The following RNF180 variants were observed in gnomAD, a reference collection of about 807,000 sequenced individuals.
The protein encoded by RNF180 is ring finger protein 180.
In RNF180, 38 loss-of-function variants were observed where a neutral mutation model predicts 59.2. The ratio of observed to expected loss-of-function variants is 0.64; its 90% CI spans 0.50 to 0.84. The LOEUF is 0.84. RNF180 is among the 40% of genes least tolerant of loss of function. The pLI is 0.00. For missense variants in RNF180, 705 were observed against 700.9 expected (o/e 1.01, Z -0.07); for synonymous variants, 262 against 240.3 (o/e 1.09, Z -0.84).
intron 5 of RNF180, among the ~76,000 whole-genome samples, chr5:64,286,340 A>G (rs1561239447): frequency 6.6e-6 from 1 of 152,230 alleles, no homozygotes; most frequent in Non-Finnish European, 1.5e-5. Flanking sequence ...ATAAAGACAT[A>G]AGTTTCAAGA....
rs1178995086 is a variant in RNF180, at chr5:64,241,231, CA to C, written c.1227+23841del. Among the ~76,000 whole-genome samples, 7 of 152,204 alleles carry C rather than the reference CA, an allele frequency of 4.6e-5. No homozygotes were observed. In the East Asian group the frequency reaches 1.4e-3, roughly 29 times the overall value. ...GCCTTTACTGTAGAAGACCCCTTCC[CA>C]AAAAACAAAGACACAAATTCTAAAT... On this transcript the variant is annotated intron_variant, in intron 5 of 7. Transcript: ENST00000389100.
chr5:64,293,304 G>A (rs975060060), intron 5 of RNF180, among the ~76,000 whole-genome samples: 1 of 151,994 alleles, frequency 6.6e-6, no homozygotes, highest in African/African-American at 2.4e-5. Context: ...TGAGTTGTCT[G>A]CCTAGTCAGT....
chr5:64,352,050 T>C (rs1745837662), intron 7 of RNF180, among the ~76,000 whole-genome samples: 3 of 152,142 alleles, frequency 2.0e-5, no homozygotes, highest in African/African-American at 4.8e-5. Flanking sequence ...TTTTTGTTGG[T>C]AGGCTATTAA....
chr5:64,253,556 A>G (rs944872782), intron 5 of RNF180, among the ~76,000 whole-genome samples: 1 of 152,150 alleles, frequency 6.6e-6, no homozygotes, highest in African/African-American at 2.4e-5. Context: ...AAATTTTTCA[A>G]TCTGTAAAAA....
At chr5:64,220,335 A>G (rs2112148859) in intron 5 of RNF180, among the ~76,000 whole-genome samples, 1 of 151,950 alleles carries the variant, frequency 6.6e-6, no homozygotes, top group Non-Finnish European at 1.5e-5. Flanking sequence ...AACTTCTATT[A>G]CTGATTTGAG....
intron 1 of RNF180, among the ~76,000 whole-genome samples, chr5:64,189,584 C>G (rs912970583): frequency 6.6e-6 from 1 of 152,076 alleles, no homozygotes; most frequent in African/African-American, 2.4e-5. Flanking sequence ...GATTTGTAAG[C>G]GAAGTGTTGA....
chr5:64,209,760 G>A (rs547880904), intron 2 of RNF180, among the ~76,000 whole-genome samples: 10 of 152,022 alleles, frequency 6.6e-5, no homozygotes, highest in African/African-American at 1.2e-4. Flanking sequence ...TGTATTCTCT[G>A]TAAGATTGTT....
intron 5 of RNF180, among the ~76,000 whole-genome samples, chr5:64,257,967 G>C (rs1413575484): frequency 6.6e-6 from 1 of 152,162 alleles, no homozygotes; most frequent in Non-Finnish European, 1.5e-5. Context: ...CTGAGAAGGA[G>C]ATAAAGGAAG....
At chr5:64,208,715 CAA>C (rs1752154723) in intron 2 of RNF180, among the ~76,000 whole-genome samples, 1 of 151,930 alleles carries the variant, frequency 6.6e-6, no homozygotes, top group Non-Finnish European at 1.5e-5. Context: ...GAAAACGAAA[CAA>C]TGCTATAAAT....
At chr5:64,307,777 T>A (rs1472878290) in intron 5 of RNF180, among the ~76,000 whole-genome samples, 5 of 151,774 alleles carry the variant, frequency 3.3e-5, no homozygotes, top group Non-Finnish European at 5.9e-5. Context: ...TATTGAATAC[T>A]GCACAGAATG....
rs145654276 is a variant in RNF180, at chr5:64,371,370, T to G, written c.*1556T>G. On this transcript the variant is annotated 3_prime_UTR_variant, in exon 8 of 8. Transcript: ENST00000389100. The stretch of plus-strand genomic sequence containing the variant: ...AGATTGAAAACACACATATGAGGAG[T>G]TGCATTATTTTAAGAACTTTAAATT... 6.6e-6 allele frequency: 1 copy of G among 151,672 alleles called. No homozygotes were observed. The highest frequency in any genetic ancestry group is 1.9e-4 in the East Asian group (1 of 5,150). 9.4% of individuals were successfully genotyped at this position (151,672 alleles called of 1,614,324 possible). A position where few individuals can be genotyped will look rare whatever the true frequency, so the allele number is the denominator to read the frequency against.
Position 64,367,736 on chromosome 5 carries a change from C to A in RNF180, c.1580-1879C>A, listed in dbSNP as rs143635265. Among the ~76,000 whole-genome samples, 199 of 151,694 alleles carry A rather than the reference C, an allele frequency of 1.3e-3. 1 individual carries two copies. Among genetic ancestry groups the A allele is most frequent in the African/African-American group, 4.6e-3 (190 of 41,472 alleles). ...TACTCAATTGTTATAATGAGTGAAC[C>A]AGAGTTTGCTTCAGGCTAGAGCTTC... On this transcript the variant is annotated intron_variant, in intron 7 of 7. Transcript: ENST00000389100.
At chr5:64,171,481 A>G (rs1233342215) in intron 1 of RNF180, among the ~76,000 whole-genome samples, 2 of 152,222 alleles carry the variant, frequency 1.3e-5, no homozygotes, top group Admixed American at 6.5e-5. Flanking sequence ...TTGCAAGTAC[A>G]TGCTTGGTGG....
At chr5:64,256,573 G>A (rs1258360497) in intron 5 of RNF180, among the ~76,000 whole-genome samples, 1 of 152,086 alleles carries the variant, frequency 6.6e-6, no homozygotes, top group African/African-American at 2.4e-5. Context: ...CTCTGTTTTG[G>A]TACCAGTACC....
intron 5 of RNF180, among the ~76,000 whole-genome samples, chr5:64,226,677 AAG>A (rs1491352170): frequency 8.5e-5 from 13 of 152,168 alleles, no homozygotes; most frequent in Non-Finnish European, 1.6e-4. Context: ...AAAAAAAAAA[AAG>A]AAAAAATTTT....
intron 7 of RNF180, among the ~76,000 whole-genome samples, chr5:64,359,249 C>A (rs1468781314): frequency 6.7e-6 from 1 of 149,100 alleles, no homozygotes; most frequent in Non-Finnish European, 1.5e-5. Flanking sequence ...ACAGTCCCAC[C>A]AACAGTGTAA....
intron 7 of RNF180, among the ~76,000 whole-genome samples, chr5:64,367,551 G>A (rs550686168): frequency 4.6e-5 from 7 of 151,392 alleles, no homozygotes; most frequent in African/African-American, 1.7e-4. Context: ...TTCATGTTTT[G>A]AACCTACGTA....
chr5:64,362,963 T>C (rs1458831597), intron 7 of RNF180, among the ~76,000 whole-genome samples: 1 of 149,132 alleles, frequency 6.7e-6, no homozygotes, highest in Non-Finnish European at 1.5e-5. Flanking sequence ...AAGTGCCTTA[T>C]AGAGGCTGGA....
At chr5:64,239,205 T>C (rs1580084008) in intron 5 of RNF180, among the ~76,000 whole-genome samples, 2 of 152,316 alleles carry the variant, frequency 1.3e-5, no homozygotes, top group East Asian at 1.9e-4. Context: ...GGCTTGCTAC[T>C]CAAGGTGGGA....
Sources: gnomAD v4.1 joint callset for allele counts (sites outside exome capture counted in the v4.1 genomes callset) on GRCh38, gnomAD v4.1.1 for gene constraint, MANE v1.5 for transcripts, NCBI Gene and HGNC (gene_info 2026-07-23, HGNC 2026-07-21) for gene names.